THEMIS: variants seen among roughly 807,000 people sequenced by gnomAD.
THEMIS encodes protein THEMIS.
A neutral mutation model predicts 52.6 loss-of-function variants in THEMIS; 37 were observed. That is an observed-to-expected ratio of 0.70 (90% confidence interval 0.54 to 0.93). The LOEUF (loss-of-function observed/expected upper bound fraction) is 0.93, where lower values mean the gene tolerates loss of function less well. THEMIS is among the 40% of genes least tolerant of loss of function. The probability of loss-of-function intolerance (pLI) is 0.00; values close to 1 mark genes in which losing one functional copy is unlikely to be tolerated. For missense variants in THEMIS, 808 were observed against 763.1 expected, an observed-to-expected ratio of 1.06 and a Z score of -0.69; for synonymous variants, 292 against 272.7, an observed-to-expected ratio of 1.07 and a Z score of -0.70.
At chr6:127,745,457 A>G (rs1487686120) in intron 4 of THEMIS, among the ~76,000 whole-genome samples, 2 of 151,908 alleles carry the variant, frequency 1.3e-5, no homozygotes. Flanking sequence ...ATAATTTTAC[A>G]TGGAAAGAGC....
intron 4 of THEMIS, among the ~76,000 whole-genome samples, chr6:127,723,879 T>C (rs1774449270): frequency 6.6e-6 from 1 of 152,086 alleles, no homozygotes; most frequent in Non-Finnish European, 1.5e-5. Context: ...AATGTCTATC[T>C]CCCTGGCTAA....
chr6:127,904,483 T>G (rs967402935), upstream of THEMIS, among the ~76,000 whole-genome samples: 16 of 152,094 alleles, frequency 1.1e-4, no homozygotes, highest in African/African-American at 3.9e-4. Flanking sequence ...TAGACTAAAA[T>G]TAGCTCAATC....
chr6:127,915,419 AC>A (rs1252227239), intron 1 of THEMIS, among the ~76,000 whole-genome samples: 1 of 152,146 alleles, frequency 6.6e-6, no homozygotes, highest in African/African-American at 2.4e-5. Flanking sequence ...CAGATTCTAC[AC>A]TTAGGAACAT....
At chr6:127,795,641 T>C (rs1777306532) in intron 4 of THEMIS, among the ~76,000 whole-genome samples, 1 of 152,154 alleles carries the variant, frequency 6.6e-6, no homozygotes, top group South Asian at 2.1e-4. Context: ...AGACTTTTTT[T>C]AGAAGTTAAT....
At chr6:127,900,716 CT>C (rs1781110151) in intron 1 of THEMIS, 125 bp downstream of exon 1, 7 of 816,480 alleles carry the variant, frequency 8.6e-6, no homozygotes, top group Middle Eastern at 3.1e-4. Context: ...TCATTACTTT[CT>C]TTTGTGATCG....
At chr6:127,855,606 G>T (rs900582899) in intron 1 of THEMIS, among the ~76,000 whole-genome samples, 5 of 151,824 alleles carry the variant, frequency 3.3e-5, no homozygotes, top group African/African-American at 9.7e-5. Context: ...GAAAAAGAGG[G>T]TCTGCACACC....
Position 127,855,113 on chromosome 6 carries a change from A to C in THEMIS, c.167T>G (p.Val56Gly). 1.2e-6 allele frequency: 2 copies of C among 1,611,320 alleles called. No individual in the cohort carries two copies. The highest frequency in any genetic ancestry group is 1.7e-6 in the Non-Finnish European group (2 of 1,178,510). ...ACAAATTTCAGCTATGATCTTCTTA[A>C]CTTTGAGACCAGTAATTTTAATCAC... ...GEVIKITGLKVKKIIAEICEQ... is the reference protein window; with the variant it reads ...GEVIKITGLKGKKIIAEICEQ... Residue 56 changes from valine to glycine, a missense_variant, in exon 2 of 6, where the codon GTT (valine) becomes GGT (glycine). Val to Gly is a moderately radical substitution (Grantham distance 109). Transcript: ENST00000368248.
chr6:127,757,012 T>A (rs1268639310), intron 4 of THEMIS, among the ~76,000 whole-genome samples: 2 of 152,218 alleles, frequency 1.3e-5, no homozygotes, highest in African/African-American at 2.4e-5. Flanking sequence ...AAAACAATTC[T>A]TTTATTCCAT....
chr6:127,868,134 C>T (rs1030894927), intron 1 of THEMIS, among the ~76,000 whole-genome samples: 7 of 152,120 alleles, frequency 4.6e-5, no homozygotes, highest in African/African-American at 7.2e-5. Flanking sequence ...AATAATATTA[C>T]CTCAAATGGC....
intron 4 of THEMIS, among the ~76,000 whole-genome samples, chr6:127,791,061 G>T (rs1777138130): frequency 6.6e-6 from 1 of 152,170 alleles, no homozygotes; most frequent in South Asian, 2.1e-4. Flanking sequence ...TTTTCTTGTT[G>T]CCTGCCATGT....
chr6:127,881,864 A>T (rs1418331907), intron 1 of THEMIS, among the ~76,000 whole-genome samples: 1 of 151,860 alleles, frequency 6.6e-6, no homozygotes, highest in Non-Finnish European at 1.5e-5. Context: ...CTTAAACTTC[A>T]CATTTTTATC....
intron 4 of THEMIS, among the ~76,000 whole-genome samples, chr6:127,734,256 C>T (rs1774909221): frequency 6.6e-6 from 1 of 152,166 alleles, no homozygotes; most frequent in African/African-American, 2.4e-5. Context: ...GATAAGTTTT[C>T]AGGTGTGACA....
rs148902278 is a variant in THEMIS, at chr6:127,847,822, G to A, written c.250+7208C>T. Among the ~76,000 whole-genome samples, 4 of 151,358 alleles carry A rather than the reference G, an allele frequency of 2.6e-5. No individual in the cohort carries two copies. In the South Asian group the frequency reaches 8.4e-4, roughly 32 times the overall value. On this transcript the variant is annotated intron_variant, in intron 2 of 5. Coordinates refer to ENST00000368248, the MANE Select transcript of THEMIS (RefSeq NM_001010923.3). ...TAAAATTTTTATGGAACCAAAAAGA[G>A]CCCACAGAGCCAAAGCAATACTAAC... is the stretch of plus-strand genomic sequence containing the variant.
At chr6:127,908,560 T>A (rs1781334147) in intron 1 of THEMIS, among the ~76,000 whole-genome samples, 1 of 152,122 alleles carries the variant, frequency 6.6e-6, no homozygotes, top group Admixed American at 6.6e-5. Flanking sequence ...AATGTTGGTG[T>A]TACCGTATGA....
intron 2 of THEMIS, among the ~76,000 whole-genome samples, chr6:127,834,900 A>G (rs1487748651): frequency 6.6e-6 from 1 of 152,228 alleles, no homozygotes; most frequent in Non-Finnish European, 1.5e-5. Flanking sequence ...TTGTAGTCAC[A>G]GCTTATTAAT....
intron 4 of THEMIS, among the ~76,000 whole-genome samples, chr6:127,746,056 G>A (rs1562230313): frequency 6.6e-6 from 1 of 151,806 alleles, no homozygotes; most frequent in Admixed American, 6.6e-5. Flanking sequence ...TTAGAACATT[G>A]AAACTATTTG....
chr6:127,816,088 T>C (rs907948257), intron 3 of THEMIS, among the ~76,000 whole-genome samples: 1 of 152,144 alleles, frequency 6.6e-6, no homozygotes, highest in African/African-American at 2.4e-5. Context: ...GCCTATCTTA[T>C]TTTACTTAAG....
intron 4 of THEMIS, among the ~76,000 whole-genome samples, chr6:127,721,563 A>G (rs938594399): frequency 6.6e-6 from 1 of 152,160 alleles, no homozygotes; most frequent in African/African-American, 2.4e-5. Context: ...CAATACTACA[A>G]AAGACAGCTC....
chr6:127,818,842 A>G (rs2114625776), intron 3 of THEMIS, among the ~76,000 whole-genome samples: 1 of 152,188 alleles, frequency 6.6e-6, no homozygotes, highest in East Asian at 1.9e-4. Context: ...ACACAGGACC[A>G]GGTGCGGTGG....
Sources: allele counts gnomAD v4.1 joint callset (sites outside exome capture counted in the v4.1 genomes callset), GRCh38; gene constraint gnomAD v4.1.1; transcripts MANE v1.5; gene names NCBI Gene and HGNC (gene_info 2026-07-23, HGNC 2026-07-21).